The following LRRC43 variants were observed in gnomAD, a reference collection of about 807,000 sequenced individuals.
LRRC43 encodes the protein leucine rich repeat containing 43, also known as leucine-rich repeat-containing protein 43.
LRRC43 carries 62 observed loss-of-function variants against 64.3 expected under a neutral mutation model. The observed-to-expected ratio is 0.96, with a 90% CI of 0.79 to 1.19. The LOEUF is 1.19. Ranked by LOEUF, LRRC43 falls within the 50% of genes most tolerant of loss-of-function variation. LRRC43 has a pLI of 0.00. For synonymous variants in LRRC43, 422 were observed against 382.3 expected (o/e 1.10, Z -1.21); for missense variants, 868 against 845.0 (o/e 1.03, Z -0.34).
rs1031036934 is a variant in LRRC43 at position 122,201,301 on chromosome 12, A to C, written c.1815A>C (p.Ser605=). The C allele has an allele frequency of 6.2e-7, 1 of 1,614,084 alleles. No homozygotes were observed. The highest frequency in any genetic ancestry group is 1.7e-5 in the Admixed American group (1 of 60,018). The change falls in exon 11 of 12, where the codon TCA becomes TCC. Residue 605 remains serine (S), a synonymous_variant. Transcript: ENST00000339777. ...TTTGTGGTTCTTTCTCTCAGGATTC[A>C]AAGAAGATTAAGAAAGTTGCCAAAA... is the stretch of plus-strand genomic sequence containing the variant. ...TSDRLTLARD[S]KKIKKVAKKE... is the part of the protein sequence containing the mutation.
intron 5 of LRRC43, 67 bp downstream of exon 5, chr12:122,190,435 G>T: frequency 7.7e-7 from 1 of 1,291,402 alleles, no homozygotes. Context: ...GCTGTGCCCC[G>T]CCCTCCTGGG....
At chr12:122,192,163 AGT>A (rs1953725688) in intron 6 of LRRC43, among the ~76,000 whole-genome samples, 2 of 151,668 alleles carry the variant, frequency 1.3e-5, no homozygotes, top group Admixed American at 6.6e-5. Context: ...TGTGTGATGG[AGT>A]CTCGCTCTGT....
intron 1 of LRRC43, among the ~76,000 whole-genome samples, 197 bp downstream of exon 1, chr12:122,183,491 G>T (rs1438947652): frequency 6.6e-6 from 1 of 152,314 alleles, no homozygotes; most frequent in Middle Eastern, 3.4e-3. Flanking sequence ...AGCGGGGCCC[G>T]TCCTGAGCAC....
rs555492703 is a variant in LRRC43, at chr12:122,176,597, G to A, written c.-405-7922G>A. 4.6e-5 allele frequency among the ~76,000 whole-genome samples: 7 copies of A among 151,124 alleles called. No individual in the cohort carries two copies. In the South Asian group the frequency reaches 1.3e-3, roughly 27 times the overall value. On this transcript the variant is annotated intron_variant, in intron 1 of 5. Transcript: ENST00000537729. ...CCACCTTGGCTTCCCAAAGTTCTGG[G>A]ATTACAGGCATGAGTCACCATGCCT...
At chr12:122,169,434 A>G (rs1446573081) in intron 1 of LRRC43, among the ~76,000 whole-genome samples, 1 of 152,044 alleles carries the variant, frequency 6.6e-6, no homozygotes, top group African/African-American at 2.4e-5. Context: ...TTAGAATTCT[A>G]GTTGGGCGCA....
At chr12:122,194,838 A>G (rs1236598904) in intron 7 of LRRC43, among the ~76,000 whole-genome samples, 1 of 152,154 alleles carries the variant, frequency 6.6e-6, no homozygotes, top group East Asian at 1.9e-4. Context: ...GTTATGGTCA[A>G]ATATATTACA....
At chr12:122,182,989 T>G (rs1953595768), upstream of LRRC43, 1 of 1,241,698 alleles carries the variant, frequency 8.1e-7, no homozygotes, top group African/African-American at 1.6e-5. Context: ...TTATCCCATT[T>G]TTATAGATGA....
Position 122,169,791 on chromosome 12 carries a change from A to C in LRRC43, c.-406+2009A>C, listed in dbSNP as rs1953469707. Among the ~76,000 whole-genome samples the C allele has an allele frequency of 2.0e-5, 3 of 151,556 alleles. No homozygotes were observed. The South Asian group carries it at 6.3e-4, about 32-fold the overall frequency. On this transcript the variant is annotated intron_variant, in intron 1 of 5. Transcript: ENST00000537729. Reference sequence around the variant, plus strand: ...TTTCCCTAATTTATTTATCTTGTCAACCATTTATTTTGTTGTTGTTTGTTG... The same window carrying C: ...TTTCCCTAATTTATTTATCTTGTCACCCATTTATTTTGTTGTTGTTTGTTG...
chr12:122,178,795 G>T (rs563888597), upstream of LRRC43, among the ~76,000 whole-genome samples: 19 of 151,988 alleles, frequency 1.3e-4, no homozygotes, highest in Non-Finnish European at 1.2e-4. Flanking sequence ...TTTTAGTAGA[G>T]ATGGGGTTTT....
At chr12:122,186,944 C>G (rs918322176) in intron 3 of LRRC43, among the ~76,000 whole-genome samples, 23 of 150,846 alleles carry the variant, frequency 1.5e-4, no homozygotes, top group Middle Eastern at 3.3e-3. Context: ...CAATAGAATG[C>G]TATTCACTCA....
At chr12:122,186,321 G>A in intron 3 of LRRC43, 21 bp downstream of exon 3, 1 of 1,522,506 alleles carries the variant, frequency 6.6e-7, no homozygotes. Context: ...CCCGGTCTGT[G>A]TTGAGTATTT....
At chr12:122,177,436 G>A (rs529562648) in intron 1 of LRRC43, among the ~76,000 whole-genome samples, 1 of 151,788 alleles carries the variant, frequency 6.6e-6, no homozygotes, top group African/African-American at 2.4e-5. Context: ...ATCTATCCAT[G>A]GCATGCTAGA....
rs533909208 is a variant in LRRC43 at position 122,170,562 on chromosome 12, C to T, written c.-406+2780C>T. Among the ~76,000 whole-genome samples the T allele has an allele frequency of 5.1e-4, 78 of 151,686 alleles. No individual in the cohort carries two copies. The Middle Eastern group carries it at 0.01, about 20-fold the overall frequency. On this transcript the variant is annotated intron_variant, in intron 1 of 5. Transcript: ENST00000537729. ...AGGAGAATCGCTTGAACCTGGGAGG[C>T]GGAGCTTGCAGTGAGCCGAGATTGC...
rs373729194 is a variant in LRRC43, at chr12:122,191,607, G to A, written c.1089+40G>A. 39 of 1,536,528 alleles carry A rather than the reference G, an allele frequency of 2.5e-5. 1 individual carries two copies. The highest frequency in any genetic ancestry group is 9.2e-5 in the East Asian group (4 of 43,466). On this transcript the variant is annotated intron_variant, in intron 6 of 11. Transcript: ENST00000339777. ...GTCCCTAGGAGTATGGGGGGCTCTT[G>A]TGAAGGCTGAACTGCTTTGTGGGCC... is the stretch of plus-strand genomic sequence containing the variant.
At position 122,187,824 on chromosome 12, in the gene LRRC43, G is replaced by T. The variant is rs777796530; in HGVS notation, c.646G>T (p.Val216Phe). The change falls in exon 4 of 12, where the codon GTC becomes TTC. Residue 216 changes from valine (V) to phenylalanine (F), a missense_variant. By Grantham distance (50) the Val-to-Phe change is conservative. Coordinates refer to ENST00000339777, the MANE Select transcript of LRRC43 (RefSeq NM_001098519.2). The part of the protein sequence containing the change: ...KLLGPLESLY[V>F]TANHWPNLVS... ...TCTAGGCCCCTTGGAAAGTCTCTACGTCACCGCTAATCACTGGTAACTCGG... is the reference window on the plus strand; with the variant it reads ...TCTAGGCCCCTTGGAAAGTCTCTACTTCACCGCTAATCACTGGTAACTCGG... 5 of 1,614,034 alleles carry T rather than the reference G, an allele frequency of 3.1e-6. No homozygotes were observed. The South Asian group carries it at 3.3e-5, about 11-fold the overall frequency.
chr12:122,197,028 ACACTGGGGCAGT>A (rs1012302164), intron 7 of LRRC43, among the ~76,000 whole-genome samples: 1 of 152,170 alleles, frequency 6.6e-6, no homozygotes, highest in African/African-American at 2.4e-5. Context: ...GTAGGCAGGA[ACACTGGGGCAGT>A]CACGACAGGT....
At chr12:122,191,630 GC>G in intron 6 of LRRC43, 63 bp downstream of exon 6, 1 of 1,289,828 alleles carries the variant, frequency 7.8e-7, no homozygotes, top group Non-Finnish European at 1.1e-6. Flanking sequence ...TGCTTTGTGG[GC>G]CCCAGGAAAA....
rs148001008 is a variant in LRRC43, at chr12:122,172,994, C to T, written c.-406+5212C>T. ...TGAGGCCTCCCAGCCTTCCAGAACCCACTCTCACGTGCTCAGGGTGGTGGG... is the reference window on the plus strand; with the variant it reads ...TGAGGCCTCCCAGCCTTCCAGAACCTACTCTCACGTGCTCAGGGTGGTGGG... On this transcript the variant is annotated intron_variant, in intron 1 of 5. Coordinates refer to the LRRC43 transcript ENST00000537729. 1.9e-3 allele frequency among the ~76,000 whole-genome samples: 283 copies of T among 152,328 alleles called. 1 individual carries two copies. The highest frequency in any genetic ancestry group is 6.3e-3 in the African/African-American group (264 of 41,584).
chr12:122,191,286 G>C, intron 5 of LRRC43, 94 bp from the exon 6 acceptor site: 1 of 1,068,380 alleles, frequency 9.4e-7, no homozygotes, highest in Non-Finnish European at 1.3e-6. Context: ...GTGCTGGAGA[G>C]AATCTAGGGA....
Sources: allele counts gnomAD v4.1 joint callset (sites outside exome capture counted in the v4.1 genomes callset), GRCh38; gene constraint gnomAD v4.1.1; transcripts MANE v1.5; gene names NCBI Gene and HGNC (gene_info 2026-07-23, HGNC 2026-07-21).